EPN2: variants seen among roughly 807,000 people sequenced by gnomAD.
EPN2 encodes the protein epsin-2.
Under a neutral mutation model 61.7 loss-of-function variants are expected in EPN2, and 34 were observed. The ratio of observed to expected loss-of-function variants is 0.55; its 90% CI spans 0.42 to 0.73. The LOEUF is 0.73. Among genes scored for constraint, EPN2 ranks in the 30% least tolerant of loss-of-function variants. The probability of loss-of-function intolerance (pLI) is 0.00; values close to 1 mark genes in which losing one functional copy is unlikely to be tolerated. For missense variants in EPN2, 714 were observed against 839.2 expected (o/e 0.85, Z 1.84); for synonymous variants, 349 against 353.6 (o/e 0.99, Z 0.15).
intron 4 of EPN2, chr17:19,308,567 A>T (rs572612757): frequency 1.8e-5 from 18 of 985,200 alleles, no homozygotes; most frequent in African/African-American, 3.5e-5. Flanking sequence ...GATGGAGGGG[A>T]AGGACCAGGT....
intron 8 of EPN2, 159 bp downstream of exon 8, chr17:19,329,046 C>T (rs1049109227): frequency 1.6e-6 from 1 of 645,044 alleles, no homozygotes; most frequent in African/African-American, 1.8e-5. Context: ...CCAGGTGCCC[C>T]AGTGTGAGAG....
At chr17:19,324,099 A>G (rs1394436709) in intron 7 of EPN2, among the ~76,000 whole-genome samples, 1 of 152,260 alleles carries the variant, frequency 6.6e-6, no homozygotes, top group South Asian at 2.1e-4. Context: ...CATTCTTTGC[A>G]GTCACATGCA....
chr17:19,304,561 G>A (rs1905729278), intron 4 of EPN2, among the ~76,000 whole-genome samples: 1 of 152,214 alleles, frequency 6.6e-6, no homozygotes, highest in African/African-American at 2.4e-5. Flanking sequence ...TAGCCCTCAG[G>A]TGGTCTGGTC....
In EPN2 at chr17:19,285,571, C is replaced by A; in HGVS notation, c.596-49C>A. On this transcript the variant is annotated intron_variant, in intron 3 of 10. Transcript: ENST00000314728. This position sits in a 1 kb window ranked among gnomAD's most constrained non-coding sequence, Gnocchi z 4.5. ...CCTCCTGCAGGGGCTGCTGCGCACC[C>A]TCTAATGGCGTGTCTCTCTGTGTGT... 6.9e-7 allele frequency: 1 copy of A among 1,453,598 alleles called. No homozygotes were observed. Among genetic ancestry groups the A allele is most frequent in the Non-Finnish European group, 9.1e-7 (1 of 1,097,222 alleles). The allele number at this position is 1,453,598 out of a possible 1,614,324, so 90.0% of individuals were successfully genotyped here.
chr17:19,306,440 A>G (rs1219479029), intron 4 of EPN2, among the ~76,000 whole-genome samples: 1 of 152,266 alleles, frequency 6.6e-6, no homozygotes, highest in African/African-American at 2.4e-5. Context: ...TGAAAGCTGT[A>G]CATCCGTTTA....
At chr17:19,286,919 A>AC (rs537224514) in intron 4 of EPN2, among the ~76,000 whole-genome samples, 74 of 151,428 alleles carry the variant, frequency 4.9e-4, no homozygotes, top group Non-Finnish European at 7.5e-4. Context: ...TGCCCATTTC[A>AC]CCCCCCCAGA....
At chr17:19,246,644 A>G (rs2044952409) in intron 1 of EPN2, among the ~76,000 whole-genome samples, 1 of 151,704 alleles carries the variant, frequency 6.6e-6, no homozygotes, top group Non-Finnish European at 1.5e-5. Context: ...AATCAATGTG[A>G]GCAAAAAGTT....
chr17:19,312,816 G>A (rs979769460), intron 6 of EPN2: 1 of 368,562 alleles, frequency 2.7e-6, no homozygotes, highest in Non-Finnish European at 4.9e-6. Context: ...TCTGGAGGAG[G>A]TCCACAGCCT....
chr17:19,335,485 TCTC>T lies in EPN2; in HGVS notation c.*1235_*1237del, dbSNP rs1567873729. ...CATCTTTAACCTTGTGTGTCTGTGATCTCCTCTGTCTTAATCCACGCTCAGGCT... is the reference window on the plus strand; with the variant it reads ...CATCTTTAACCTTGTGTGTCTGTGATCTCTGTCTTAATCCACGCTCAGGCT... On this transcript the variant is annotated 3_prime_UTR_variant, in exon 11 of 11. Transcript: ENST00000314728. The T allele has an allele frequency of 1.9e-6, 3 of 1,548,172 alleles. No homozygotes were observed. The highest frequency in any genetic ancestry group is 2.4e-5 in the East Asian group (1 of 40,906).
At chr17:19,328,563 C>A in intron 7 of EPN2, 148 bp from the exon 8 acceptor site, 1 of 645,068 alleles carries the variant, frequency 1.6e-6, no homozygotes, top group Non-Finnish European at 2.5e-6. Context: ...TCCCTCTTTG[C>A]TGGCGTGGGA....
At chr17:19,264,751 C>T (rs1241872753) in intron 1 of EPN2, among the ~76,000 whole-genome samples, 1 of 151,962 alleles carries the variant, frequency 6.6e-6, no homozygotes, top group Non-Finnish European at 1.5e-5. Flanking sequence ...GCAGGTGGGG[C>T]TGGACTCGGT....
intron 1 of EPN2, among the ~76,000 whole-genome samples, chr17:19,259,308 C>CTTTTTTTTT (rs776768357): frequency 5.2e-5 from 5 of 96,190 alleles, no homozygotes; most frequent in African/African-American, 4.6e-5. Context: ...AGTGTTGGGT[C>CTTTTTTTTT]TTTTTTTTTT....
chr17:19,291,155 A>T (rs556031322), intron 4 of EPN2, among the ~76,000 whole-genome samples: 9 of 152,354 alleles, frequency 5.9e-5, no homozygotes, highest in African/African-American at 2.2e-4. Flanking sequence ...TGAGAAAGAA[A>T]AGCCAGGATT....
rs1049863508 is a variant in EPN2 at position 19,281,939 on chromosome 17, T to C, written c.-293-16T>C. ...GGGACTCTGTTTTTAATCTGTAACA[T>C]TCATTTATTTAACAGTGTTCATTTC... On this transcript the variant is annotated splice_polypyrimidine_tract_variant and intron_variant, in intron 1 of 10. Coordinates refer to ENST00000314728, the MANE Select transcript of EPN2 (RefSeq NM_014964.5). The C allele has an allele frequency of 6.6e-6, 1 of 152,226 alleles. No individual in the cohort carries two copies. The highest frequency in any genetic ancestry group is 1.5e-5 in the Non-Finnish European group (1 of 68,048). The allele number at this position is 152,226 out of a possible 1,614,324, so 9.4% of individuals were successfully genotyped here.
chr17:19,331,661 C>A (rs1907158093), intron 9 of EPN2, among the ~76,000 whole-genome samples, 192 bp from the exon 10 acceptor site: 1 of 152,142 alleles, frequency 6.6e-6, no homozygotes, highest in African/African-American at 2.4e-5. Flanking sequence ...ATTAGGTATT[C>A]TTCTGTTCCT....
At chr17:19,291,583 G>A (rs1962058) in intron 4 of EPN2, among the ~76,000 whole-genome samples, 1 of 151,672 alleles carries the variant, frequency 6.6e-6, no homozygotes, top group Non-Finnish European at 1.5e-5. Context: ...GACTACAGGC[G>A]CCCGCCACTG....
chr17:19,271,965 A>G (rs943488280), intron 1 of EPN2, among the ~76,000 whole-genome samples: 3 of 152,214 alleles, frequency 2.0e-5, no homozygotes, highest in African/African-American at 7.2e-5. Flanking sequence ...ACAGCCCAGC[A>G]GTTAGCACCA....
intron 1 of EPN2, among the ~76,000 whole-genome samples, chr17:19,278,792 G>A (rs2045333437): frequency 1.3e-5 from 2 of 152,284 alleles, no homozygotes; most frequent in African/African-American, 4.8e-5. Context: ...GGGATTCCAG[G>A]TGTGCACCAC....
chr17:19,270,431 G>A (rs1362219035), intron 1 of EPN2, among the ~76,000 whole-genome samples: 1 of 152,176 alleles, frequency 6.6e-6, no homozygotes, highest in Non-Finnish European at 1.5e-5. Context: ...CCTCTGGTAG[G>A]TGATTCCCAC....
Sources: gnomAD v4.1 joint callset for allele counts (sites outside exome capture counted in the v4.1 genomes callset) on GRCh38, gnomAD v4.1.1 for gene constraint, Gnocchi (gnomAD v3.1) non-coding constraint, MANE v1.5 for transcripts, NCBI Gene and HGNC (gene_info 2026-07-23, HGNC 2026-07-21) for gene names.